WLS: variants seen among roughly 807,000 people sequenced by gnomAD.
WLS encodes the protein protein wntless homolog.
Under a neutral mutation model 62.8 loss-of-function variants are expected in WLS, and 23 were observed. The ratio of observed to expected loss-of-function variants is 0.37; its 90% CI spans 0.26 to 0.52. The LOEUF (loss-of-function observed/expected upper bound fraction) is 0.52, where lower values mean the gene tolerates loss of function less well. Ranked by LOEUF, WLS falls within the 20% of genes least tolerant of loss-of-function variation. WLS has a pLI of 0.92. For synonymous variants in WLS, 246 were observed against 244.1 expected, an observed-to-expected ratio of 1.01 and a Z score of -0.07; for missense variants, 615 against 697.3, an observed-to-expected ratio of 0.88 and a Z score of 1.33.
intron 10 of WLS, 156 bp from the exon 11 acceptor site, chr1:68,138,089 T>G: frequency 1.1e-6 from 1 of 883,304 alleles, no homozygotes; most frequent in Non-Finnish European, 1.7e-6. Flanking sequence ...TCTGAATCAT[T>G]TCGGTGTAAA....
In WLS at chr1:68,125,635, G is replaced by T; in HGVS notation, c.*591C>A. 3.0e-6 allele frequency: 3 copies of T among 985,486 alleles called. No individual in the cohort carries two copies. The highest frequency in any genetic ancestry group is 3.6e-6 in the Non-Finnish European group (3 of 830,020). The allele number at this position is 985,486 out of a possible 1,614,324, so 61.0% of individuals were successfully genotyped here. A position where few individuals can be genotyped will look rare whatever the true frequency, so the allele number is the denominator to read the frequency against. ...TGGTTTCAAAGCTGAAATACCCCTG[G>T]TGGAATAAATCTTCTCATGAAATTC... On this transcript the variant is annotated 3_prime_UTR_variant, in exon 12 of 12. Transcript: ENST00000262348.
chr1:68,131,915 C>A (rs75728429), intron 11 of WLS, among the ~76,000 whole-genome samples: 6,652 of 152,258 alleles, frequency 0.044, 230 homozygotes, highest in Middle Eastern at 0.085. Flanking sequence ...TATCCATCTA[C>A]AAGCCAGACA....
intron 1 of WLS, among the ~76,000 whole-genome samples, chr1:68,231,045 G>T (rs1020525218): frequency 1.3e-5 from 2 of 152,112 alleles, no homozygotes; most frequent in African/African-American, 4.8e-5. Flanking sequence ...TAACAAAGCC[G>T]TGAAGTAAGG....
intron 2 of WLS, among the ~76,000 whole-genome samples, chr1:68,185,696 A>G (rs555204026): frequency 6.6e-6 from 1 of 152,284 alleles, no homozygotes; most frequent in East Asian, 1.9e-4. Flanking sequence ...AGTGTCTTCC[A>G]TGAAACCGGT....
At chr1:68,138,372 A>G (rs1222803729) in intron 10 of WLS, 1 of 159,580 alleles carries the variant, frequency 6.3e-6, no homozygotes, top group African/African-American at 2.4e-5. Flanking sequence ...CCATAGATTA[A>G]TTCAAATCCA....
At chr1:68,166,743 G>T (rs1327326427) in intron 2 of WLS, among the ~76,000 whole-genome samples, 1 of 152,138 alleles carries the variant, frequency 6.6e-6, no homozygotes, top group Admixed American at 6.5e-5. Context: ...TCTATTGTTG[G>T]CTGTTAAAAT....
rs200689320 is a variant in WLS at position 68,230,949 on chromosome 1, GT to G, written c.106+1244del. ...AGCGACGCCGCCGGCGCCCCCGGGC[GT>G]TTTCCCCGCACCCCACATCGCGTGG... On this transcript the variant is annotated intron_variant, in intron 1 of 11. Coordinates refer to ENST00000262348, the MANE Select transcript of WLS (RefSeq NM_024911.7). 7.9e-3 allele frequency among the ~76,000 whole-genome samples: 1,207 copies of G among 152,268 alleles called. 14 individuals are homozygous for G. The highest frequency in any genetic ancestry group is 0.011 in the Non-Finnish European group (768 of 68,024).
chr1:68,192,372 T>C (rs1307221376), intron 2 of WLS, among the ~76,000 whole-genome samples: 2 of 151,802 alleles, frequency 1.3e-5, no homozygotes, highest in Admixed American at 6.6e-5. Context: ...AACCAAAAAT[T>C]TGGGGAGGCT....
intron 11 of WLS, among the ~76,000 whole-genome samples, chr1:68,117,210 C>T (rs1646304070): frequency 6.6e-6 from 1 of 152,190 alleles, no homozygotes; most frequent in Admixed American, 6.5e-5. Context: ...TGTACAATTG[C>T]AGCTTGTACT....
intron 3 of WLS, among the ~76,000 whole-genome samples, chr1:68,157,808 C>T (rs1207407367): frequency 6.6e-6 from 1 of 152,172 alleles, no homozygotes; most frequent in Non-Finnish European, 1.5e-5. Context: ...CCTTCCCCCT[C>T]GCTACTCAGT....
chr1:68,190,861 C>T (rs1648254267), intron 2 of WLS, among the ~76,000 whole-genome samples: 1 of 152,116 alleles, frequency 6.6e-6, no homozygotes, highest in Non-Finnish European at 1.5e-5. Flanking sequence ...AGTTCTAGAC[C>T]ATCCTGGCCA....
At chr1:68,107,297 A>ATT (rs11346197) in intron 11 of WLS, among the ~76,000 whole-genome samples, 67 of 149,490 alleles carry the variant, frequency 4.5e-4, no homozygotes, top group African/African-American at 1.6e-3. Context: ...GAATAGCTAG[A>ATT]TTTTTTTTTT....
At position 68,118,875 on chromosome 1, in the gene WLS, CAAAAAAA is replaced by C. The variant is rs33982774; in HGVS notation, c.1510+18898_1510+18904del. On this transcript the variant is annotated intron_variant, in intron 11 of 11. Coordinates refer to the WLS transcript ENST00000354777. ...CTGGGTGACGAGCAAGACTCTGTCT[CAAAAAAA>C]AAAAAAAAAAAAAAAAAAAAGCACC... Among the ~76,000 whole-genome samples the C allele has an allele frequency of 1.3e-3, 35 of 26,388 alleles. 1 individual carries two copies. Among genetic ancestry groups the C allele is most frequent in the African/African-American group, 3.1e-3 (25 of 8,050 alleles). 17.3% of individuals were successfully genotyped at this position (26,388 alleles called of 152,430 possible). A position where few individuals can be genotyped will look rare whatever the true frequency, so the allele number is the denominator to read the frequency against.
At chr1:68,130,599 C>CA (rs1646504529) in intron 11 of WLS, among the ~76,000 whole-genome samples, 1 of 152,174 alleles carries the variant, frequency 6.6e-6, no homozygotes, top group Non-Finnish European at 1.5e-5. Context: ...TGGTTCACAG[C>CA]AGAATGAGAA....
At chr1:68,165,927 T>C (rs1232997644) in intron 2 of WLS, among the ~76,000 whole-genome samples, 1 of 152,336 alleles carries the variant, frequency 6.6e-6, no homozygotes, top group East Asian at 1.9e-4. Context: ...CAAATGTTTG[T>C]AGTGGGCCTG....
chr1:68,227,344 G>C (rs1414758648), intron 1 of WLS, among the ~76,000 whole-genome samples: 1 of 151,098 alleles, frequency 6.6e-6, no homozygotes. Context: ...TTGAACCCGG[G>C]AGGCGGAGGT....
At chr1:68,157,107 TAA>T (rs895923932) in intron 3 of WLS, among the ~76,000 whole-genome samples, 1 of 152,194 alleles carries the variant, frequency 6.6e-6, no homozygotes, top group Non-Finnish European at 1.5e-5. Context: ...TGTGCTGTGA[TAA>T]AGACTCCTGA....
At chr1:68,144,171 T>C (rs1034811189) in intron 10 of WLS, among the ~76,000 whole-genome samples, 1 of 152,234 alleles carries the variant, frequency 6.6e-6, no homozygotes, top group Non-Finnish European at 1.5e-5. Flanking sequence ...TTACATTTCA[T>C]ATTTAAGTGG....
chr1:68,177,928 G>A (rs12406162), intron 2 of WLS, among the ~76,000 whole-genome samples: 11,883 of 152,234 alleles, frequency 0.078, 852 homozygotes, highest in East Asian at 0.34. Context: ...TATAAGTGAG[G>A]AAAATGAAGT....
Sources: gnomAD v4.1 joint callset for allele counts (sites outside exome capture counted in the v4.1 genomes callset) on GRCh38, gnomAD v4.1.1 for gene constraint, MANE v1.5 for transcripts, NCBI Gene and HGNC (gene_info 2026-07-23, HGNC 2026-07-21) for gene names.